Variants in DACH2 observed in about 807,000 individuals in gnomAD.
DACH2 encodes the protein dachshund family transcription factor 2.
In DACH2, 17 loss-of-function variants were observed where a neutral mutation model predicts 35.8. The observed-to-expected ratio is 0.48, with a 90% CI of 0.33 to 0.71. The LOEUF (loss-of-function observed/expected upper bound fraction) is 0.71. DACH2 is among the 30% of genes least tolerant of loss of function. The pLI, the probability that DACH2 is intolerant of heterozygous loss-of-function variation, is 0.02. For synonymous variants in DACH2, 195 were observed against 177.3 expected, an observed-to-expected ratio of 1.10 and a Z score of -0.79; for missense variants, 469 against 472.7, an observed-to-expected ratio of 0.99 and a Z score of 0.07.
intron 2 of DACH2, among the ~76,000 whole-genome samples, chrX:86,413,468 A>G (rs1219296200): frequency 1.8e-5 from 2 of 111,682 alleles, no homozygotes; most frequent in African/African-American, 6.5e-5. Context: ...AGCAGCTACA[A>G]TTGGAGTCAC....
intron 2 of DACH2, among the ~76,000 whole-genome samples, chrX:86,412,192 C>A (rs931026955): frequency 3.6e-5 from 4 of 110,984 alleles, no homozygotes; most frequent in African/African-American, 1.3e-4. Context: ...TGTTGTGTCT[C>A]CTGGTGGCAG....
chrX:86,291,491 C>A (rs2034293025), intron 1 of DACH2, among the ~76,000 whole-genome samples: 1 of 104,782 alleles, frequency 9.5e-6, no homozygotes, highest in Non-Finnish European at 1.9e-5. Flanking sequence ...GAGGGCATCC[C>A]TGTCTTGTGC....
chrX:86,646,913 A>G (rs2040422634), intron 3 of DACH2, among the ~76,000 whole-genome samples: 1 of 109,644 alleles, frequency 9.1e-6, no homozygotes, highest in Admixed American at 9.9e-5. Context: ...CAACAGGTAT[A>G]TGAAAAAACA....
At chrX:86,470,562 A>G (rs912283090) in intron 2 of DACH2, among the ~76,000 whole-genome samples, 3 of 111,749 alleles carry the variant, frequency 2.7e-5, no homozygotes, top group African/African-American at 6.5e-5. Flanking sequence ...GAAGGATGGT[A>G]TGCTTAATCT....
chrX:86,186,183 G>T (rs1021451837), intron 1 of DACH2, among the ~76,000 whole-genome samples: 18 of 112,231 alleles, frequency 1.6e-4, no homozygotes, highest in Admixed American at 5.7e-4. Flanking sequence ...CATTGGATTG[G>T]GCTTTAGGAA....
At chrX:86,522,005 C>T (rs2038562421) in intron 3 of DACH2, among the ~76,000 whole-genome samples, 1 of 111,481 alleles carries the variant, frequency 9.0e-6, no homozygotes, top group African/African-American at 3.2e-5. Flanking sequence ...GCTTTATTTG[C>T]ATACTATAAA....
chrX:86,759,014 T>C (rs1054591426), intron 7 of DACH2, among the ~76,000 whole-genome samples: 1 of 112,036 alleles, frequency 8.9e-6, no homozygotes, highest in Non-Finnish European at 1.9e-5. Context: ...TCTTATTCTT[T>C]CTATTTTATT....
intron 3 of DACH2, among the ~76,000 whole-genome samples, chrX:86,633,764 G>A (rs1323040134): frequency 1.8e-5 from 2 of 111,500 alleles, no homozygotes; most frequent in Non-Finnish European, 3.8e-5. Flanking sequence ...AGAACTAAAT[G>A]GTAATACACC....
intron 3 of DACH2, among the ~76,000 whole-genome samples, chrX:86,600,982 C>T (rs988611672): frequency 1.8e-5 from 2 of 111,315 alleles, no homozygotes; most frequent in African/African-American, 6.5e-5. Flanking sequence ...TTCCTGTGCT[C>T]CTGTTTCTAC....
intron 4 of DACH2, among the ~76,000 whole-genome samples, chrX:86,667,283 G>GAGGA (rs1211615364): frequency 1.3e-4 from 7 of 54,966 alleles, no homozygotes; most frequent in Admixed American, 2.9e-4. Context: ...GAGAGAGAGA[G>GAGGA]AGGAAGGAAG....
chrX:86,466,572 C>G (rs904777593), intron 2 of DACH2, among the ~76,000 whole-genome samples: 2 of 111,630 alleles, frequency 1.8e-5, no homozygotes, highest in African/African-American at 3.3e-5. Flanking sequence ...AGTCCAAAGT[C>G]TCATCTGAGA....
intron 7 of DACH2, among the ~76,000 whole-genome samples, chrX:86,759,823 T>C (rs745701920): frequency 8.9e-6 from 1 of 111,944 alleles, no homozygotes; most frequent in East Asian, 2.8e-4. Context: ...TGTAGTTTTG[T>C]GTGTTTTCAT....
At chrX:86,343,466 A>G (rs963720921) in intron 1 of DACH2, among the ~76,000 whole-genome samples, 30 of 111,777 alleles carry the variant, frequency 2.7e-4, no homozygotes, top group African/African-American at 9.4e-4. Flanking sequence ...GCTGTGACTT[A>G]GAGTTTGAGA....
At chrX:86,317,800 C>CT (rs984081417) in intron 1 of DACH2, among the ~76,000 whole-genome samples, 2 of 111,016 alleles carry the variant, frequency 1.8e-5, no homozygotes, top group East Asian at 2.9e-4. Context: ...GGGTAAACTT[C>CT]TTTTTTCTTG....
intron 6 of DACH2, among the ~76,000 whole-genome samples, chrX:86,716,265 A>C (rs1250581761): frequency 8.9e-6 from 1 of 112,214 alleles, no homozygotes; most frequent in Non-Finnish European, 1.9e-5. Flanking sequence ...ATTTGATGGG[A>C]GTGTAAACTT....
intron 2 of DACH2, among the ~76,000 whole-genome samples, chrX:86,438,680 T>A (rs1006772673): frequency 8.9e-6 from 1 of 112,530 alleles, no homozygotes; most frequent in African/African-American, 3.2e-5. Flanking sequence ...TGTGTCTTTA[T>A]GATACAACTA....
chrX:86,554,823 G>A (rs1057404462), intron 3 of DACH2, among the ~76,000 whole-genome samples: 2 of 111,684 alleles, frequency 1.8e-5, no homozygotes, highest in Admixed American at 1.9e-4. Flanking sequence ...TAAATCATAT[G>A]TGAAAGCGTT....
chrX:86,821,107 G>A (rs2042507707), intron 11 of DACH2, among the ~76,000 whole-genome samples: 2 of 111,030 alleles, frequency 1.8e-5, no homozygotes, highest in Admixed American at 1.9e-4. Context: ...CTCCACCACA[G>A]TGTGCTCTCC....
chrX:86,396,511 T>C (rs1405228755), intron 2 of DACH2, among the ~76,000 whole-genome samples: 12 of 101,227 alleles, frequency 1.2e-4, no homozygotes, highest in Non-Finnish European at 2.4e-4. Context: ...CTAGGGTTTT[T>C]ATGGTTTTAG....
Sources: allele counts gnomAD v4.1 joint callset (sites outside exome capture counted in the v4.1 genomes callset), GRCh38; gene constraint gnomAD v4.1.1; transcripts MANE v1.5; gene names NCBI Gene and HGNC (gene_info 2026-07-23, HGNC 2026-07-21).